The following PRKCE variants were observed in gnomAD, a reference collection of about 807,000 sequenced individuals.
The protein encoded by PRKCE is protein kinase C epsilon type.
Under a neutral mutation model 85.4 loss-of-function variants are expected in PRKCE, and 16 were observed. The observed-to-expected ratio is 0.19, with a 90% CI of 0.13 to 0.28. PRKCE has a LOEUF of 0.28. Ranked by LOEUF, PRKCE falls within the 10% of genes least tolerant of loss-of-function variation. The pLI, the probability that PRKCE is intolerant of heterozygous loss-of-function variation, is 1.00. For synonymous variants in PRKCE, 388 were observed against 371.5 expected (o/e 1.04, Z -0.51); for missense variants, 573 against 975.2 (o/e 0.59, Z 5.49).
In PRKCE at chr2:45,748,440, T is replaced by A. The variant is rs550010232; in HGVS notation, c.349-94560T>A. Among the ~76,000 whole-genome samples, 4 of 152,334 alleles carry A rather than the reference T, an allele frequency of 2.6e-5. No individual in the cohort carries two copies. The South Asian group carries it at 8.3e-4, about 32-fold the overall frequency. On this transcript the variant is annotated intron_variant, in intron 1 of 14. Transcript: ENST00000306156. ...GCAAGCTTCACACATGTGTTGCTCA[T>A]CACTCTTCTTCTCTGGATTTCATTA... is the stretch of plus-strand genomic sequence containing the variant.
rs1247852794 is a variant in PRKCE, at chr2:46,010,327, C to A, written c.1264-17C>A. 1 of 1,580,564 alleles carries A rather than the reference C, an allele frequency of 6.3e-7. No individual in the cohort carries two copies. The highest frequency in any genetic ancestry group is 1.3e-5 in the African/African-American group (1 of 74,516). On this transcript the variant is annotated splice_polypyrimidine_tract_variant and intron_variant, in intron 9 of 14. Transcript: ENST00000306156. Reference sequence around the variant, plus strand: ...CCATACATGCATAGATTGATGGAGGCAATTGATTGATTGCAGGTCATGTTG... The same window carrying A: ...CCATACATGCATAGATTGATGGAGGAAATTGATTGATTGCAGGTCATGTTG...
At chr2:46,067,644 G>A (rs1056730297) in intron 10 of PRKCE, among the ~76,000 whole-genome samples, 2 of 152,202 alleles carry the variant, frequency 1.3e-5, no homozygotes, top group South Asian at 2.1e-4. Context: ...TTGCAGGAAC[G>A]CTGCTTGCAT....
chr2:45,959,799 G>A (rs531915389), intron 2 of PRKCE, among the ~76,000 whole-genome samples: 70 of 152,322 alleles, frequency 4.6e-4, no homozygotes, highest in African/African-American at 1.5e-3. Flanking sequence ...ACACAAATGA[G>A]CTAAAGTGGG....
At chr2:45,792,811 T>G (rs1687136775) in intron 1 of PRKCE, among the ~76,000 whole-genome samples, 1 of 152,210 alleles carries the variant, frequency 6.6e-6, no homozygotes, top group African/African-American at 2.4e-5. Flanking sequence ...ATTAATTTTT[T>G]TTGTTGAGAC....
intron 1 of PRKCE, among the ~76,000 whole-genome samples, chr2:45,663,666 C>G (rs1018466680): frequency 2.0e-5 from 3 of 152,144 alleles, no homozygotes; most frequent in Admixed American, 6.5e-5. Flanking sequence ...ACCTGTAGTT[C>G]CAGCTACTTG....
At position 45,701,826 on chromosome 2, in the gene PRKCE, C is replaced by A. The variant is rs184209451; in HGVS notation, c.348+49378C>A. Among the ~76,000 whole-genome samples, 71 of 152,320 alleles carry A rather than the reference C, an allele frequency of 4.7e-4. 2 individuals are homozygous for A. The highest frequency in any genetic ancestry group is 4.6e-3 in the South Asian group (22 of 4,816). ...TAGAAAACATCTGGATTCTTAGAGA[C>A]ACCGACGAGTCTAGATTATTTTTTT... On this transcript the variant is annotated intron_variant, in intron 1 of 14. Coordinates refer to ENST00000306156, the MANE Select transcript of PRKCE (RefSeq NM_005400.3).
At chr2:46,035,100 C>T (rs1030207707) in intron 10 of PRKCE, among the ~76,000 whole-genome samples, 1 of 152,210 alleles carries the variant, frequency 6.6e-6, no homozygotes, top group African/African-American at 2.4e-5. Context: ...ACAGGGTCTC[C>T]TTTGCTCTGG....
Position 46,057,630 on chromosome 2 carries a change from C to T in PRKCE, c.1438-28578C>T, listed in dbSNP as rs538669694. On this transcript the variant is annotated intron_variant, in intron 10 of 14. Coordinates refer to ENST00000306156, the MANE Select transcript of PRKCE (RefSeq NM_005400.3). ...TGTATTTTTAGTAGACACGGGGTTT[C>T]GCCACGTTGGCCAGGCTGGTCTCGA... 2.7e-4 allele frequency among the ~76,000 whole-genome samples: 41 copies of T among 152,196 alleles called. 1 individual carries two copies. The South Asian group carries it at 7.7e-3, about 28-fold the overall frequency.
At chr2:45,674,189 C>T (rs1013261037) in intron 1 of PRKCE, among the ~76,000 whole-genome samples, 6 of 152,168 alleles carry the variant, frequency 3.9e-5, no homozygotes, top group African/African-American at 9.7e-5. Flanking sequence ...GTTTTGTGCA[C>T]GCTCCTTCCA....
chr2:45,832,152 G>A (rs548675753), intron 1 of PRKCE, among the ~76,000 whole-genome samples: 5 of 152,136 alleles, frequency 3.3e-5, no homozygotes, highest in African/African-American at 9.7e-5. Context: ...ATTCCCCGGA[G>A]AGCAATTATT....
At chr2:45,772,585 A>T (rs1221450327) in intron 1 of PRKCE, among the ~76,000 whole-genome samples, 2 of 152,128 alleles carry the variant, frequency 1.3e-5, no homozygotes, top group African/African-American at 4.8e-5. Context: ...GGGACCCTTG[A>T]GACTGAGGAG....
At chr2:46,037,476 C>G (rs907346242) in intron 10 of PRKCE, among the ~76,000 whole-genome samples, 15 of 152,172 alleles carry the variant, frequency 9.9e-5, no homozygotes, top group Admixed American at 4.6e-4. Context: ...TTTAGTGATG[C>G]CTTGTTACAT....
intron 10 of PRKCE, among the ~76,000 whole-genome samples, chr2:46,062,668 C>CTGTTTT (rs1667255312): frequency 1.4e-5 from 1 of 73,294 alleles, no homozygotes; most frequent in Non-Finnish European, 2.3e-5. Context: ...AAAGCTCAGC[C>CTGTTTT]TTTTTTTTTT....
chr2:46,070,933 T>G (rs1668036228), intron 10 of PRKCE, among the ~76,000 whole-genome samples: 2 of 152,364 alleles, frequency 1.3e-5, no homozygotes, highest in South Asian at 2.1e-4. Context: ...ATGATAGCCA[T>G]GATTACTCTT....
intron 1 of PRKCE, among the ~76,000 whole-genome samples, chr2:45,670,150 C>G (rs1676089711): frequency 6.6e-6 from 1 of 152,136 alleles, no homozygotes; most frequent in Non-Finnish European, 1.5e-5. Flanking sequence ...TATGGACACC[C>G]CCACCCAGTA....
intron 9 of PRKCE, among the ~76,000 whole-genome samples, chr2:46,008,354 G>C (rs1243317718): frequency 6.6e-6 from 1 of 152,124 alleles, no homozygotes; most frequent in Non-Finnish European, 1.5e-5. Flanking sequence ...CCGATGGCTG[G>C]GTGAGATGGA....
At chr2:45,709,966 C>T (rs111710165) in intron 1 of PRKCE, among the ~76,000 whole-genome samples, 155 of 152,314 alleles carry the variant, frequency 1.0e-3, no homozygotes, top group African/African-American at 3.5e-3. Context: ...CATGCCACCA[C>T]GCCTGGCTAA....
chr2:45,998,806 T>A (rs899742158), intron 6 of PRKCE, among the ~76,000 whole-genome samples: 4 of 152,224 alleles, frequency 2.6e-5, no homozygotes, highest in African/African-American at 9.6e-5. Flanking sequence ...ATGTTCGTAT[T>A]GTTTCTCTCC....
At chr2:45,923,908 G>A (rs1698430483) in intron 2 of PRKCE, among the ~76,000 whole-genome samples, 1 of 152,206 alleles carries the variant, frequency 6.6e-6, no homozygotes, top group Non-Finnish European at 1.5e-5. Flanking sequence ...AACCACACTG[G>A]CCAGAGTGGA....
Sources: gnomAD v4.1 joint callset for allele counts (sites outside exome capture counted in the v4.1 genomes callset) on GRCh38, gnomAD v4.1.1 for gene constraint, MANE v1.5 for transcripts, NCBI Gene and HGNC (gene_info 2026-07-23, HGNC 2026-07-21) for gene names.